The following CRYL1 variants were observed in gnomAD, a reference collection of about 807,000 sequenced individuals.
CRYL1 encodes the protein lambda-crystallin homolog.
Under a neutral mutation model 36.6 loss-of-function variants are expected in CRYL1, and 29 were observed. The observed-to-expected ratio is 0.79, with a 90% CI of 0.59 to 1.08. The LOEUF is 1.08. Among genes scored for constraint, CRYL1 ranks in the 50% least tolerant of loss-of-function variants. CRYL1 has a pLI of 0.00. For synonymous variants in CRYL1, 152 were observed against 151.5 expected, an observed-to-expected ratio of 1.00 and a Z score of -0.02; for missense variants, 411 against 407.9, an observed-to-expected ratio of 1.01 and a Z score of -0.06.
intron 3 of CRYL1, among the ~76,000 whole-genome samples, chr13:20,440,731 T>G (rs1182663544): frequency 6.6e-6 from 1 of 152,206 alleles, no homozygotes; most frequent in African/African-American, 2.4e-5. Context: ...CCAAAAGGCT[T>G]CTTGAGAATC....
chr13:20,450,711 A>G (rs1010384334), intron 3 of CRYL1, among the ~76,000 whole-genome samples: 1 of 152,140 alleles, frequency 6.6e-6, no homozygotes, highest in Admixed American at 6.5e-5. Flanking sequence ...CCATTACTGG[A>G]TATATACCCA....
chr13:20,421,292 T>C (rs1015646743), intron 5 of CRYL1, among the ~76,000 whole-genome samples: 4 of 152,210 alleles, frequency 2.6e-5, no homozygotes, highest in African/African-American at 9.6e-5. Flanking sequence ...CATCATTGTG[T>C]ATGAATGTGA....
chr13:20,517,235 A>G (rs1324989765), intron 1 of CRYL1, among the ~76,000 whole-genome samples: 1 of 152,236 alleles, frequency 6.6e-6, no homozygotes, highest in Non-Finnish European at 1.5e-5. Context: ...TGACAAATGC[A>G]GTACAGGCCG....
chr13:20,436,439 C>A (rs1038882546), intron 4 of CRYL1, among the ~76,000 whole-genome samples: 10 of 152,210 alleles, frequency 6.6e-5, no homozygotes, highest in African/African-American at 2.4e-4. Context: ...CACCCACAGG[C>A]CCCAGCCGTC....
At chr13:20,515,139 A>G (rs1593502242) in intron 1 of CRYL1, among the ~76,000 whole-genome samples, 1 of 152,352 alleles carries the variant, frequency 6.6e-6, no homozygotes, top group Middle Eastern at 3.4e-3. Flanking sequence ...CGGAATAGAC[A>G]TATCCATAGA....
chr13:20,451,157 T>A, intron 3 of CRYL1, among the ~76,000 whole-genome samples: 1 of 152,022 alleles, frequency 6.6e-6, no homozygotes, highest in East Asian at 1.9e-4. Context: ...CATGTATACA[T>A]ATGTAACAAA....
intron 4 of CRYL1, among the ~76,000 whole-genome samples, chr13:20,437,363 A>G (rs746852358): frequency 1.3e-5 from 2 of 148,862 alleles, no homozygotes; most frequent in African/African-American, 2.5e-5. Flanking sequence ...GCTGGAGTGC[A>G]GTGGCGCGAT....
chr13:20,450,195 A>G (rs769469528), intron 3 of CRYL1, among the ~76,000 whole-genome samples: 19 of 152,228 alleles, frequency 1.2e-4, no homozygotes, highest in Non-Finnish European at 2.2e-4. Flanking sequence ...AAATTATACT[A>G]TAAGGCTACA....
intron 3 of CRYL1, among the ~76,000 whole-genome samples, chr13:20,461,270 G>C (rs2032812319): frequency 6.6e-6 from 1 of 152,114 alleles, no homozygotes; most frequent in African/African-American, 2.4e-5. Flanking sequence ...TTCTGATTTT[G>C]TAAATAGCAC....
intron 2 of CRYL1, among the ~76,000 whole-genome samples, chr13:20,497,854 TAC>T: frequency 6.7e-6 from 1 of 148,578 alleles, no homozygotes; most frequent in South Asian, 2.2e-4. Flanking sequence ...TACACACAAC[TAC>T]ACACACCATA....
intron 2 of CRYL1, among the ~76,000 whole-genome samples, chr13:20,504,908 G>C (rs1023254141): frequency 6.6e-6 from 1 of 151,868 alleles, no homozygotes; most frequent in South Asian, 2.1e-4. Flanking sequence ...ACTTCCCCCC[G>C]TTTAAGTTCA....
At chr13:20,410,612 T>C (rs889159772) in intron 6 of CRYL1, among the ~76,000 whole-genome samples, 40 of 152,284 alleles carry the variant, frequency 2.6e-4, no homozygotes, top group African/African-American at 8.4e-4. Context: ...TTTGGAAGAA[T>C]TTTAAAAACC....
intron 5 of CRYL1, among the ~76,000 whole-genome samples, chr13:20,419,664 G>A (rs2031753709): frequency 6.6e-6 from 1 of 152,086 alleles, no homozygotes; most frequent in Non-Finnish European, 1.5e-5. Context: ...GACCTCAAGT[G>A]ATCCACCCAG....
chr13:20,463,009 A>G (rs1480932971), intron 3 of CRYL1, among the ~76,000 whole-genome samples: 1 of 152,130 alleles, frequency 6.6e-6, no homozygotes, highest in African/African-American at 2.4e-5. Context: ...CATTTTGTAA[A>G]TGGAAAAATC....
At chr13:20,507,791 A>G (rs371820737) in intron 2 of CRYL1, among the ~76,000 whole-genome samples, 369 of 151,900 alleles carry the variant, frequency 2.4e-3, no homozygotes, top group African/African-American at 6.7e-3. Context: ...GGTGGCGAGC[A>G]CCTGTAGCCC....
intron 6 of CRYL1, among the ~76,000 whole-genome samples, chr13:20,409,958 T>G (rs2031475761): frequency 6.6e-6 from 1 of 152,012 alleles, no homozygotes; most frequent in Non-Finnish European, 1.5e-5. Flanking sequence ...GTTCAACCAT[T>G]GTGGAAGTCT....
chr13:20,459,172 C>T (rs1000958009), intron 3 of CRYL1, among the ~76,000 whole-genome samples: 2 of 142,230 alleles, frequency 1.4e-5, no homozygotes, highest in Non-Finnish European at 3.0e-5. Flanking sequence ...GGAGGCGGAG[C>T]TTGCAGTAAG....
intron 2 of CRYL1, among the ~76,000 whole-genome samples, chr13:20,501,988 T>G (rs139237058): frequency 6.6e-4 from 101 of 152,326 alleles, no homozygotes; most frequent in African/African-American, 1.9e-3. Context: ...GTGTGGACAC[T>G]AACAATCATG....
intron 2 of CRYL1, among the ~76,000 whole-genome samples, chr13:20,507,669 A>T (rs908359522): frequency 6.6e-6 from 1 of 152,248 alleles, no homozygotes; most frequent in South Asian, 2.1e-4. Context: ...CTGTAATCCC[A>T]GCACTTTGGG....
Sources: allele counts gnomAD v4.1 joint callset (sites outside exome capture counted in the v4.1 genomes callset), GRCh38; gene constraint gnomAD v4.1.1; transcripts MANE v1.5; gene names NCBI Gene and HGNC (gene_info 2026-07-23, HGNC 2026-07-21).